The following NCOR1 variants were observed in gnomAD, a reference collection of about 807,000 sequenced individuals.
The protein encoded by NCOR1 is nuclear receptor corepressor 1, also known as protein phosphatase 1, regulatory subunit 109.
In NCOR1, 63 loss-of-function variants were observed where a neutral mutation model predicts 288.1. That is an observed-to-expected ratio of 0.22 (90% CI 0.18 to 0.27). NCOR1 has a LOEUF of 0.27. Ranked by LOEUF, NCOR1 falls within the 10% of genes least tolerant of loss-of-function variation. NCOR1 has a pLI of 1.00. For missense variants in NCOR1, 2,397 were observed against 3,019.2 expected, an observed-to-expected ratio of 0.79 and a Z score of 4.83; for synonymous variants, 1,007 against 1,065.9, an observed-to-expected ratio of 0.94 and a Z score of 1.08.
At chr17:16,082,114 C>T (rs954511860) in intron 23 of NCOR1, among the ~76,000 whole-genome samples, 2 of 151,668 alleles carry the variant, frequency 1.3e-5, no homozygotes, top group Non-Finnish European at 2.9e-5. Context: ...CTACACACAA[C>T]AAATAATACA....
Position 16,121,398 on chromosome 17 carries a change from A to T in NCOR1, c.1635-129T>A, listed in dbSNP as rs935749741. 1.2e-5 allele frequency: 9 copies of T among 725,302 alleles called. No individual in the cohort carries two copies. In the South Asian group the frequency reaches 2.1e-4, roughly 17 times the overall value. 44.9% of individuals were successfully genotyped at this position (725,302 alleles called of 1,614,324 possible). A position where few individuals can be genotyped will look rare whatever the true frequency, so the allele number is the denominator to read the frequency against. ...CCTAATCTCTCACTCAAAAAAAAAA[A>T]ATTATCAACAATTCTGCCATACCAT... On this transcript the variant is annotated intron_variant, in intron 15 of 45. Transcript: ENST00000268712.
At chr17:16,132,793 T>TC (rs1313481425) in intron 14 of NCOR1, among the ~76,000 whole-genome samples, 5 of 144,952 alleles carry the variant, frequency 3.4e-5, no homozygotes, top group Non-Finnish European at 6.0e-5. Context: ...AAACTACACT[T>TC]TTTTTTTTTT....
At position 16,096,682 on chromosome 17, in the gene NCOR1, GTACTA is replaced by G. The variant is rs1354543724; in HGVS notation, c.2820+1680_2820+1684del. On this transcript the variant is annotated intron_variant, in intron 21 of 45. Transcript: ENST00000268712. Reference sequence around the variant, plus strand: ...ATCACAAGTCATTTGAAAAAGCAATGTACTAAGGATATAACCTTTGGTTATCTCAA... The same window carrying G: ...ATCACAAGTCATTTGAAAAAGCAATGAGGATATAACCTTTGGTTATCTCAA... Among the ~76,000 whole-genome samples, 10 of 152,056 alleles carry G rather than the reference GTACTA, an allele frequency of 6.6e-5. 1 individual carries two copies. Among genetic ancestry groups the G allele is most frequent in the Admixed American group, 6.5e-4 (10 of 15,272 alleles).
intron 35 of NCOR1, among the ~76,000 whole-genome samples, chr17:16,063,435 G>A (rs1394555355): frequency 1.3e-5 from 2 of 152,008 alleles, no homozygotes. Context: ...CTCCTGCCTT[G>A]GCCTCCTGAG....
intron 34 of NCOR1, among the ~76,000 whole-genome samples, 176 bp from the exon 35 acceptor site, chr17:16,064,363 G>A (rs1215933978): frequency 1.3e-5 from 2 of 152,148 alleles, no homozygotes; most frequent in Non-Finnish European, 2.9e-5. Flanking sequence ...ACTTCGGGAG[G>A]CCAAGGCAGG....
intron 29 of NCOR1, 26 bp from the exon 30 acceptor site, chr17:16,071,691 A>T: frequency 6.3e-7 from 1 of 1,596,378 alleles, no homozygotes; most frequent in Non-Finnish European, 8.5e-7. Context: ...AGGAAACATT[A>T]AAATAATGCT....
intron 4 of NCOR1, among the ~76,000 whole-genome samples, chr17:16,167,690 TCTCTA>T (rs2082273050): frequency 6.6e-6 from 1 of 151,294 alleles, no homozygotes; most frequent in Non-Finnish European, 1.5e-5. Flanking sequence ...TAAAACCCCA[TCTCTA>T]CTAAAACTAC....
intron 28 of NCOR1, 61 bp from the exon 29 acceptor site, chr17:16,072,289 CTG>C: frequency 1.6e-6 from 2 of 1,253,916 alleles, no homozygotes; most frequent in Non-Finnish European, 1.1e-6. Context: ...CTCACATATA[CTG>C]AATGCTGTTC....
At chr17:16,183,079 A>C (rs2085838107) in intron 3 of NCOR1, among the ~76,000 whole-genome samples, 1 of 151,874 alleles carries the variant, frequency 6.6e-6, no homozygotes, top group African/African-American at 2.4e-5. Context: ...CTAACATCAT[A>C]ATCAATAGGG....
chr17:16,035,811 G>T (rs1255459769), intron 44 of NCOR1, among the ~76,000 whole-genome samples: 2 of 151,960 alleles, frequency 1.3e-5, no homozygotes, highest in Non-Finnish European at 2.9e-5. Flanking sequence ...CAAAGTGCTG[G>T]GATTACAGGC....
At chr17:16,046,452 A>G (rs1041788404) in intron 42 of NCOR1, among the ~76,000 whole-genome samples, 1 of 152,226 alleles carries the variant, frequency 6.6e-6, no homozygotes, top group Non-Finnish European at 1.5e-5. Context: ...TATTACTCGA[A>G]ACCTAGTGAA....
intron 18 of NCOR1, among the ~76,000 whole-genome samples, chr17:16,111,431 G>A (rs994861532): frequency 1.3e-5 from 2 of 151,760 alleles, no homozygotes; most frequent in South Asian, 2.1e-4. Context: ...GTGAAACCCC[G>A]TCTCTACTAA....
At chr17:16,058,097 G>GA (rs2060132602) in intron 38 of NCOR1, 33 bp from the exon 39 acceptor site, 3 of 1,605,318 alleles carry the variant, frequency 1.9e-6, no homozygotes, top group Non-Finnish European at 1.7e-6. Context: ...CTTACTCCAG[G>GA]AATGTCTGTG....
Position 16,101,257 on chromosome 17 carries a change from T to G in NCOR1, c.2683A>C (p.Arg895=), listed in dbSNP as rs767636330. The change falls in exon 20 of 46, where the codon AGG becomes CGG. Residue 895 remains arginine (R), a synonymous_variant. Coordinates refer to ENST00000268712, the MANE Select transcript of NCOR1 (RefSeq NM_006311.4). ...ADEDVDGEPE[R]QRMFPMDSKP... ...TTATGGAACGAGCCTCACCTCTGCC[T>G]CTCTGGCTCTCCATCCACATCCTCA... is the stretch of plus-strand genomic sequence containing the variant. The G allele has an allele frequency of 1.3e-6, 2 of 1,590,346 alleles. No homozygotes were observed. The highest frequency in any genetic ancestry group is 2.3e-5 in the South Asian group (2 of 86,470).
intron 3 of NCOR1, among the ~76,000 whole-genome samples, chr17:16,183,230 C>CAAAAAAAAAAAAAAAAAAAAGAAAAAAAA (rs59665102): frequency 1.6e-5 from 1 of 64,090 alleles, no homozygotes; most frequent in African/African-American, 4.6e-5. Flanking sequence ...AGCAATCAAA[C>CAAAAAAAAAAAAAAAAAAAAGAAAAAAAA]AAAAAAAAAA....
In NCOR1 at chr17:16,101,773, G is replaced by T. The variant is rs1230261808; in HGVS notation, c.2183-16C>A. 1.9e-6 allele frequency: 3 copies of T among 1,613,846 alleles called. No homozygotes were observed. Among genetic ancestry groups the T allele is most frequent in the African/African-American group, 1.3e-5 (1 of 75,028 alleles). ...ACAGCTTCAACTGGTGAAGGAGAAG[G>T]AGCACTTTCTGTATCAGAACTATTT... On this transcript the variant is annotated splice_polypyrimidine_tract_variant and intron_variant, in intron 19 of 45. Coordinates refer to ENST00000268712, the MANE Select transcript of NCOR1 (RefSeq NM_006311.4).
At chr17:16,120,217 G>A (rs2072695251) in intron 16 of NCOR1, among the ~76,000 whole-genome samples, 1 of 152,086 alleles carries the variant, frequency 6.6e-6, no homozygotes, top group Admixed American at 6.6e-5. Context: ...CTGCATACAT[G>A]CTGGGCCCTC....
chr17:16,065,728 T>C, intron 32 of NCOR1, 34 bp from the exon 33 acceptor site: 2 of 1,591,684 alleles, frequency 1.3e-6, no homozygotes, highest in Non-Finnish European at 1.7e-6. Context: ...GCACTGAGTT[T>C]TGTCCTGGCT....
chr17:16,207,526 G>C (rs1186589733), intron 1 of NCOR1, among the ~76,000 whole-genome samples: 1 of 152,088 alleles, frequency 6.6e-6, no homozygotes, highest in East Asian at 1.9e-4. Flanking sequence ...CGGATCACGA[G>C]GTCAGGAGAT....
Sources: allele counts gnomAD v4.1 joint callset (sites outside exome capture counted in the v4.1 genomes callset), GRCh38; gene constraint gnomAD v4.1.1; transcripts MANE v1.5; gene names NCBI Gene and HGNC (gene_info 2026-07-23, HGNC 2026-07-21).